The following BCAP29 variants were observed in gnomAD, a reference collection of about 807,000 sequenced individuals.
BCAP29 encodes the protein B cell receptor associated protein 29, also known as B-cell receptor-associated protein 29.
In BCAP29, 34 loss-of-function variants were observed where a neutral mutation model predicts 31.8. The ratio of observed to expected loss-of-function variants is 1.07; its 90% confidence interval spans 0.81 to 1.42. The LOEUF is 1.42. Among genes scored for constraint, BCAP29 ranks in the 40% most tolerant of loss-of-function variants. BCAP29 has a pLI of 0.00. For synonymous variants in BCAP29, 104 were observed against 91.3 expected (o/e 1.14, Z -0.79); for missense variants, 314 against 269.2 (o/e 1.17, Z -1.16).
intron 4 of BCAP29, 129 bp downstream of exon 4, chr7:107,594,234 G>C (rs1010956724): frequency 1.2e-6 from 1 of 825,740 alleles, no homozygotes. Context: ...TGTTGCCCAG[G>C]CTGCAGTGCA....
chr7:107,618,471 T>G lies in BCAP29; in HGVS notation c.*108T>G, dbSNP rs751312535. On this transcript the variant is annotated 3_prime_UTR_variant, in exon 8 of 8. Transcript: ENST00000005259. ...AATGCACTATGACCGGTTCGTAATT[T>G]TTTTAATGCCACACATAGGTTGTAT... The G allele has an allele frequency of 3.1e-6, 5 of 1,613,148 alleles. No homozygotes were observed. In the East Asian group the frequency reaches 1.1e-4, roughly 36 times the overall value.
At chr7:107,600,571 G>C in intron 6 of BCAP29, 66 bp downstream of exon 6, 2 of 919,070 alleles carry the variant, frequency 2.2e-6, no homozygotes, top group Non-Finnish European at 3.3e-6. Flanking sequence ...ACACTTCACT[G>C]TTTTTCCTAA....
At chr7:107,614,955 A>G (rs796572067) in intron 7 of BCAP29, among the ~76,000 whole-genome samples, 13 of 152,354 alleles carry the variant, frequency 8.5e-5, no homozygotes, top group African/African-American at 3.1e-4. Flanking sequence ...CCTCTTGCCT[A>G]GAAATACAAC....
At chr7:107,595,558 T>C (rs890493095) in intron 4 of BCAP29, among the ~76,000 whole-genome samples, 4 of 152,202 alleles carry the variant, frequency 2.6e-5, no homozygotes, top group Non-Finnish European at 4.4e-5. Flanking sequence ...ATTCTCCTAC[T>C]GGCCCTGTCA....
At chr7:107,612,430 TATA>T (rs1563141465) in intron 6 of BCAP29, among the ~76,000 whole-genome samples, 774 of 52,102 alleles carry the variant, frequency 0.015, 60 homozygotes, top group African/African-American at 0.03. Flanking sequence ...TATATATATA[TATA>T]TATATATTTA....
chr7:107,602,063 G>A (rs1811273013), intron 6 of BCAP29, among the ~76,000 whole-genome samples: 1 of 152,138 alleles, frequency 6.6e-6, no homozygotes, highest in Non-Finnish European at 1.5e-5. Flanking sequence ...TAGAAAAAAT[G>A]AACTCTTTGA....
At chr7:107,585,884 A>T (rs184233073) in intron 3 of BCAP29, among the ~76,000 whole-genome samples, 7 of 152,230 alleles carry the variant, frequency 4.6e-5, no homozygotes, top group African/African-American at 1.7e-4. Context: ...CCAGCTACTC[A>T]GGAAACTGAG....
In BCAP29 at chr7:107,609,036, G is replaced by C. The variant is rs576255471; in HGVS notation, c.590-4296G>C. 6.1e-4 allele frequency among the ~76,000 whole-genome samples: 93 copies of C among 152,266 alleles called. No individual in the cohort carries two copies. The South Asian group carries it at 0.019, about 30-fold the overall frequency. ...ATAGTTGCCCTTCAATTCAATACGT[G>C]GTGTGGTGAAACTTGAGTTGTAGTA... On this transcript the variant is annotated intron_variant, in intron 6 of 7. Coordinates refer to ENST00000005259, the MANE Select transcript of BCAP29 (RefSeq NM_018844.4).
downstream of BCAP29, chr7:107,621,754 A>G (rs568946567): frequency 4.0e-5 from 19 of 472,968 alleles, no homozygotes; most frequent in South Asian, 2.9e-4. Flanking sequence ...GAGGCAAAGA[A>G]CAGATTCTTC....
chr7:107,583,275 C>CT (rs1807029808), intron 2 of BCAP29, among the ~76,000 whole-genome samples: 1 of 151,868 alleles, frequency 6.6e-6, no homozygotes, highest in Admixed American at 6.6e-5. Flanking sequence ...ATGTTCACAT[C>CT]TTTATCTGTA....
At chr7:107,590,964 T>C (rs1409159568) in intron 3 of BCAP29, among the ~76,000 whole-genome samples, 1 of 152,198 alleles carries the variant, frequency 6.6e-6, no homozygotes, top group Non-Finnish European at 1.5e-5. Context: ...TCAGTAATTG[T>C]ATTTCTATAC....
intron 4 of BCAP29, among the ~76,000 whole-genome samples, chr7:107,595,473 G>A (rs938150764): frequency 1.5e-4 from 23 of 152,178 alleles, no homozygotes; most frequent in African/African-American, 5.6e-4. Context: ...GGATGTGAAT[G>A]AGCTGTTCTT....
intron 7 of BCAP29, chr7:107,616,516 C>T (rs932027560): frequency 3.9e-5 from 6 of 152,216 alleles, no homozygotes; most frequent in African/African-American, 1.4e-4. Context: ...GACATCTATG[C>T]TCCTCAGGTA....
At chr7:107,591,889 G>A (rs969391143) in intron 3 of BCAP29, among the ~76,000 whole-genome samples, 2 of 151,910 alleles carry the variant, frequency 1.3e-5, no homozygotes, top group African/African-American at 4.8e-5. Flanking sequence ...AGGAGTTAGA[G>A]AAAGAAATTG....
At chr7:107,592,706 A>C (rs536802113) in intron 3 of BCAP29, among the ~76,000 whole-genome samples, 8 of 152,370 alleles carry the variant, frequency 5.3e-5, no homozygotes, top group African/African-American at 1.9e-4. Context: ...TGAATAGATA[A>C]ACCAAATGTT....
At chr7:107,584,007 A>G (rs1258750133) in intron 3 of BCAP29, 25 bp downstream of exon 3, 2 of 1,294,086 alleles carry the variant, frequency 1.5e-6, no homozygotes, top group Non-Finnish European at 2.1e-6. Flanking sequence ...CCTTCTTTGA[A>G]TAAATATAAC....
At chr7:107,609,922 C>T (rs1231618088) in intron 6 of BCAP29, among the ~76,000 whole-genome samples, 3 of 152,198 alleles carry the variant, frequency 2.0e-5, no homozygotes, top group African/African-American at 7.2e-5. Flanking sequence ...TGTACAACAG[C>T]CCAACTTTAG....
At chr7:107,598,955 G>A (rs985364949) in intron 5 of BCAP29, among the ~76,000 whole-genome samples, 13 of 142,104 alleles carry the variant, frequency 9.1e-5, no homozygotes, top group African/African-American at 2.3e-4. Context: ...ATGTGCACAC[G>A]TGTATATATA....
chr7:107,598,618 T>C (rs1810283786), intron 5 of BCAP29, among the ~76,000 whole-genome samples: 1 of 152,192 alleles, frequency 6.6e-6, no homozygotes, highest in Non-Finnish European at 1.5e-5. Context: ...TGTAAAAATA[T>C]TTGCATGTAG....
Sources: allele counts gnomAD v4.1 joint callset (sites outside exome capture counted in the v4.1 genomes callset), GRCh38; gene constraint gnomAD v4.1.1; transcripts MANE v1.5; gene names NCBI Gene and HGNC (gene_info 2026-07-23, HGNC 2026-07-21).